The following PDS5A variants were observed in gnomAD, a reference collection of about 807,000 sequenced individuals.
PDS5A encodes the protein sister chromatid cohesion protein PDS5 homolog A.
PDS5A carries 42 observed loss-of-function variants against 167.1 expected under a neutral mutation model. The observed-to-expected ratio is 0.25, with a 90% confidence interval of 0.20 to 0.33. The LOEUF (loss-of-function observed/expected upper bound fraction) is 0.33, where lower values mean the gene tolerates loss of function less well. Among genes scored for constraint, PDS5A ranks in the 10% least tolerant of loss-of-function variants. The pLI, the probability that PDS5A is intolerant of heterozygous loss-of-function variation, is 1.00. For synonymous variants in PDS5A, 553 were observed against 554.6 expected (o/e 1.00, Z 0.04); for missense variants, 1,033 against 1,605.9 (o/e 0.64, Z 6.10).
At chr4:39,926,505 T>G (rs1241730579) in intron 4 of PDS5A, among the ~76,000 whole-genome samples, 1 of 135,806 alleles carries the variant, frequency 7.4e-6, no homozygotes, top group East Asian at 2.3e-4. Context: ...GCAACAAGAG[T>G]GAAACTACGT....
chr4:39,940,342 G>A (rs972891454), intron 2 of PDS5A, among the ~76,000 whole-genome samples: 2 of 151,854 alleles, frequency 1.3e-5, no homozygotes, highest in Admixed American at 6.6e-5. Flanking sequence ...AATGAAGGAA[G>A]AAGCTTATGA....
intron 4 of PDS5A, among the ~76,000 whole-genome samples, chr4:39,926,242 CCGGGCCCGGTGGCTCA>C (rs1725446150): frequency 6.6e-6 from 1 of 152,030 alleles, no homozygotes; most frequent in East Asian, 1.9e-4. Flanking sequence ...AAGATAGAGG[CCGGGCCCGGTGGCTCA>C]CGCCTGTAAT....
At position 39,868,469 on chromosome 4, in the gene PDS5A, C is replaced by A. The variant is rs542970678; in HGVS notation, c.2505+925G>T. ...TCAGCCTCCGAAGTAGCTGGGATTA[C>A]AGATGTGCAACACCATGCCTAGCTA... On this transcript the variant is annotated intron_variant, in intron 22 of 32. Transcript: ENST00000303538. Among the ~76,000 whole-genome samples the A allele has an allele frequency of 3.3e-5, 5 of 152,226 alleles. No homozygotes were observed. In the South Asian group the frequency reaches 1.0e-3, roughly 32 times the overall value.
chr4:39,918,984 C>A (rs1186128281), intron 7 of PDS5A, among the ~76,000 whole-genome samples: 1 of 152,134 alleles, frequency 6.6e-6, no homozygotes, highest in Non-Finnish European at 1.5e-5. Flanking sequence ...AATACTACTT[C>A]TGAAAGGATA....
At chr4:39,915,782 T>C (rs1419482715) in intron 8 of PDS5A, among the ~76,000 whole-genome samples, 1 of 152,216 alleles carries the variant, frequency 6.6e-6, no homozygotes, top group Non-Finnish European at 1.5e-5. Context: ...AAAAGTAATC[T>C]ATCCCTTAAA....
At chr4:39,951,006 C>G (rs963717579) in intron 2 of PDS5A, among the ~76,000 whole-genome samples, 1 of 151,854 alleles carries the variant, frequency 6.6e-6, no homozygotes, top group African/African-American at 2.4e-5. Flanking sequence ...TGGGCTCAAG[C>G]AATCCTCACA....
At chr4:39,846,591 T>C (rs1367529997) in intron 28 of PDS5A, 1 of 152,192 alleles carries the variant, frequency 6.6e-6, no homozygotes, top group Non-Finnish European at 1.5e-5. Flanking sequence ...TTAAACCAAA[T>C]GTGGAAAATG....
At chr4:39,908,276 CATT>C (rs1194221640) in intron 11 of PDS5A, 116 bp downstream of exon 11, 2 of 801,746 alleles carry the variant, frequency 2.5e-6, no homozygotes, top group Non-Finnish European at 4.2e-6. Flanking sequence ...AGCTCTTTAT[CATT>C]GTTATTAATT....
intron 32 of PDS5A, chr4:39,837,056 T>C (rs1284055215): frequency 1.4e-5 from 2 of 144,990 alleles, no homozygotes; most frequent in African/African-American, 2.5e-5. Flanking sequence ...GGTCTTGAAC[T>C]CCTGACCTCA....
intron 6 of PDS5A, 110 bp from the exon 7 acceptor site, chr4:39,920,509 A>T: frequency 2.3e-6 from 1 of 429,430 alleles, no homozygotes; most frequent in South Asian, 6.2e-5. Flanking sequence ...ATTTTGCTTC[A>T]CTAAAATATG....
chr4:39,844,291 A>G (rs1282450029), intron 30 of PDS5A, among the ~76,000 whole-genome samples: 2 of 152,074 alleles, frequency 1.3e-5, no homozygotes, highest in Non-Finnish European at 2.9e-5. Flanking sequence ...CCTGGCCAAC[A>G]TGGTGAAACA....
intron 2 of PDS5A, chr4:39,974,310 T>A (rs1308070086): frequency 1.9e-6 from 1 of 532,178 alleles, no homozygotes; most frequent in East Asian, 5.3e-5. Flanking sequence ...CCATGAGTCA[T>A]GTCAACAGAG....
intron 5 of PDS5A, among the ~76,000 whole-genome samples, chr4:39,924,859 C>A (rs1309332889): frequency 6.6e-6 from 1 of 152,196 alleles, no homozygotes; most frequent in Non-Finnish European, 1.5e-5. Flanking sequence ...CACCTGTAAA[C>A]CCAGCACTTT....
chr4:39,866,500 C>T (rs1465704439), intron 23 of PDS5A, among the ~76,000 whole-genome samples: 2 of 152,320 alleles, frequency 1.3e-5, no homozygotes, highest in South Asian at 4.1e-4. Context: ...TCTTTGAAGG[C>T]AGGGACTTTT....
intron 2 of PDS5A, 140 bp from the exon 3 acceptor site, chr4:39,928,304 C>A: frequency 3.4e-6 from 2 of 591,008 alleles, no homozygotes; most frequent in Non-Finnish European, 6.0e-6. Context: ...TTTTATAAAT[C>A]TTCATTTAAG....
intron 2 of PDS5A, chr4:39,973,328 C>T (rs1334458714): frequency 6.2e-7 from 1 of 1,607,656 alleles, no homozygotes; most frequent in Non-Finnish European, 8.5e-7. Flanking sequence ...TGTACATGAA[C>T]AGCAGGCTGT....
chr4:39,893,416 G>A (rs1722137942), intron 16 of PDS5A, among the ~76,000 whole-genome samples: 1 of 152,036 alleles, frequency 6.6e-6, no homozygotes, highest in Non-Finnish European at 1.5e-5. Flanking sequence ...GGACAAAGAG[G>A]GAAGAAAATA....
chr4:39,914,588 T>C (rs985474707), intron 8 of PDS5A, among the ~76,000 whole-genome samples: 3 of 152,214 alleles, frequency 2.0e-5, no homozygotes, highest in Admixed American at 6.5e-5. Flanking sequence ...TCAGCTTAAA[T>C]ACTATAAAAA....
chr4:39,930,246 A>AAAAAAAAAAAAAAAAAAAATTTTTT, intron 2 of PDS5A, among the ~76,000 whole-genome samples: 1 of 93,086 alleles, frequency 1.1e-5, no homozygotes, highest in Non-Finnish European at 2.2e-5. Context: ...AAAAAAAAAA[A>AAAAAAAAAAAAAAAAAAAATTTTTT]GTTTTTTTGT....
Sources: gnomAD v4.1 joint callset for allele counts (sites outside exome capture counted in the v4.1 genomes callset) on GRCh38, gnomAD v4.1.1 for gene constraint, MANE v1.5 for transcripts, NCBI Gene and HGNC (gene_info 2026-07-23, HGNC 2026-07-21) for gene names.